The following CDKL1 variants were observed in gnomAD, a reference collection of about 807,000 sequenced individuals.
CDKL1 encodes cyclin dependent kinase like 1.
CDKL1 carries 41 observed loss-of-function variants against 42.0 expected under a neutral mutation model. The ratio of observed to expected loss-of-function variants is 0.98; its 90% CI spans 0.76 to 1.27. The LOEUF (loss-of-function observed/expected upper bound fraction) is 1.27, where lower values mean the gene tolerates loss of function less well. Among genes scored for constraint, CDKL1 ranks in the 50% most tolerant of loss-of-function variants. The pLI is 0.00. For synonymous variants in CDKL1, 153 were observed against 158.6 expected (o/e 0.96, Z 0.26); for missense variants, 394 against 428.4 (o/e 0.92, Z 0.71).
intron 2 of CDKL1, among the ~76,000 whole-genome samples, chr14:50,394,370 T>C (rs1056610243): frequency 1.3e-5 from 2 of 152,228 alleles, no homozygotes; most frequent in Non-Finnish European, 2.9e-5. Context: ...CTCCTCTCAA[T>C]AGATAATATC....
intron 2 of CDKL1, among the ~76,000 whole-genome samples, chr14:50,389,329 C>G (rs2035184357): frequency 6.6e-6 from 1 of 152,074 alleles, no homozygotes; most frequent in Admixed American, 6.6e-5. Context: ...CTCGCCCACA[C>G]CCCATGCACC....
chr14:50,359,159 CA>C lies in CDKL1; in HGVS notation c.169-11del. 1.9e-6 allele frequency: 3 copies of C among 1,588,664 alleles called. No individual in the cohort carries two copies. The highest frequency in any genetic ancestry group is 2.6e-6 in the Non-Finnish European group (3 of 1,166,000). On this transcript the variant is annotated splice_polypyrimidine_tract_variant and intron_variant, in intron 2 of 9. Coordinates refer to ENST00000395834, the MANE Select transcript of CDKL1 (RefSeq NM_004196.7). ...TGGGATGCTTGAGTTGCTGAAAACACAAAAAAACAAGTTACTAAATTTGACT... is the reference window on the plus strand; with the variant it reads ...TGGGATGCTTGAGTTGCTGAAAACACAAAAAACAAGTTACTAAATTTGACT...
At chr14:50,349,624 T>G (rs940068699) in intron 3 of CDKL1, among the ~76,000 whole-genome samples, 1 of 152,178 alleles carries the variant, frequency 6.6e-6, no homozygotes, top group Non-Finnish European at 1.5e-5. Context: ...TCATGCAATC[T>G]TAAATAAATA....
chr14:50,341,456 TGGGG>T (rs10598932), intron 5 of CDKL1, among the ~76,000 whole-genome samples: 33,241 of 72,528 alleles, frequency 0.46, 6,829 homozygotes, highest in Middle Eastern at 0.49. Context: ...GGGGAGGGTC[TGGGG>T]GGGGGGGGGG....
chr14:50,334,668 T>G, intron 7 of CDKL1, 47 bp from the exon 8 acceptor site: 1 of 1,101,808 alleles, frequency 9.1e-7, no homozygotes, highest in Non-Finnish European at 1.4e-6. Flanking sequence ...GTATTCAAAT[T>G]AAGGTTACCT....
At chr14:50,332,564 G>A in intron 8 of CDKL1, 132 bp from the exon 9 acceptor site, 3 of 1,486,714 alleles carry the variant, frequency 2.0e-6, no homozygotes, top group Non-Finnish European at 2.7e-6. Context: ...AAACACACCA[G>A]TCATGATTTT....
chr14:50,343,177 G>GTTTTTTCT (rs1566580369), intron 4 of CDKL1: 2 of 400,760 alleles, frequency 5.0e-6, no homozygotes, highest in Non-Finnish European at 8.0e-6. Context: ...TTTTTTTTGA[G>GTTTTTTCT]TTGGGTCAAA....
At chr14:50,340,324 A>G (rs2033466453) in intron 6 of CDKL1, among the ~76,000 whole-genome samples, 1 of 152,232 alleles carries the variant, frequency 6.6e-6, no homozygotes, top group African/African-American at 2.4e-5. Context: ...AGATAAGATT[A>G]CAAGGGAAGG....
chr14:50,388,106 G>A (rs548392979), intron 2 of CDKL1, among the ~76,000 whole-genome samples: 1 of 152,190 alleles, frequency 6.6e-6, no homozygotes, highest in East Asian at 1.9e-4. Context: ...GGCCAGGCTG[G>A]TCTCAAACTC....
chr14:50,341,622 A>T (rs1263309647), intron 5 of CDKL1, among the ~76,000 whole-genome samples: 1 of 152,116 alleles, frequency 6.6e-6, no homozygotes, highest in East Asian at 1.9e-4. Flanking sequence ...CTACAAAAAA[A>T]ATACAAAACT....
chr14:50,368,296 A>G (rs1027558220), intron 2 of CDKL1, among the ~76,000 whole-genome samples: 2 of 150,616 alleles, frequency 1.3e-5, no homozygotes, highest in African/African-American at 2.5e-5. Context: ...TTTCTCTGTT[A>G]CCCAGGCTGG....
Position 50,346,175 on chromosome 14 carries a change from C to T in CDKL1, c.291-1117G>A, listed in dbSNP as rs889790744. The stretch of plus-strand genomic sequence containing the variant: ...AGAGGCTACAAGGCCACTGTTGTCA[C>T]AGGCCAGACGTTCAGGAAATCCTTT... On this transcript the variant is annotated intron_variant, in intron 3 of 9. Coordinates refer to ENST00000395834, the MANE Select transcript of CDKL1 (RefSeq NM_004196.7). 1.4e-4 allele frequency among the ~76,000 whole-genome samples: 22 copies of T among 152,122 alleles called. No homozygotes were observed. The East Asian group carries it at 4.1e-3, about 28-fold the overall frequency.
At chr14:50,350,951 G>A (rs1417990254) in intron 3 of CDKL1, among the ~76,000 whole-genome samples, 1 of 152,170 alleles carries the variant, frequency 6.6e-6, no homozygotes, top group Non-Finnish European at 1.5e-5. Context: ...GGAAGATGTG[G>A]AGAATGGGCA....
chr14:50,383,395 C>G (rs1225071848), intron 2 of CDKL1, among the ~76,000 whole-genome samples: 1 of 151,722 alleles, frequency 6.6e-6, no homozygotes, highest in Non-Finnish European at 1.5e-5. Context: ...ACTAAAAATA[C>G]AAAAATTAGC....
rs2034159205 is a variant in CDKL1 at position 50,359,123 on chromosome 14, G to A, written c.195C>T (p.Asn65=). 2 of 1,611,958 alleles carry A rather than the reference G, an allele frequency of 1.2e-6. No individual in the cohort carries two copies. Among genetic ancestry groups the A allele is most frequent in the East Asian group, 4.5e-5 (2 of 44,840 alleles). ...GTTTCCTCCTGAAGACTTCCAGGAGGTTAACAAGGTTGGGATGCTTGAGTT... is the reference window on the plus strand; with the variant it reads ...GTTTCCTCCTGAAGACTTCCAGGAGATTAACAAGGTTGGGATGCTTGAGTT... ...LKQLKHPNLV[N]LLEVFRRKRR... The change falls in exon 3 of 10, where the codon AAC becomes AAT. Residue 65 remains asparagine, a synonymous_variant. Transcript: ENST00000395834.
In CDKL1 at chr14:50,341,240, G is replaced by A; in HGVS notation, c.455-8C>T. ...AGTAGTCACTCGGTCCAGCTAGCCA[G>A]TGATGGAACATGGAAAACAAACAGC... On this transcript the variant is annotated splice_region_variant and splice_polypyrimidine_tract_variant and intron_variant, in intron 5 of 9. Transcript: ENST00000395834. 1 of 1,583,586 alleles carries A rather than the reference G, an allele frequency of 6.3e-7. No individual in the cohort carries two copies. Among genetic ancestry groups the A allele is most frequent in the Non-Finnish European group, 8.6e-7 (1 of 1,159,972 alleles).
At chr14:50,343,026 C>T in intron 4 of CDKL1, 1 of 1,351,504 alleles carries the variant, frequency 7.4e-7, no homozygotes, top group Non-Finnish European at 9.9e-7. Context: ...CTGTGGTTTC[C>T]AGCCCACAGC....
At chr14:50,378,760 C>G (rs929292806) in intron 2 of CDKL1, among the ~76,000 whole-genome samples, 2 of 152,092 alleles carry the variant, frequency 1.3e-5, no homozygotes, top group African/African-American at 4.8e-5. Context: ...TGGTCTCAAA[C>G]TCCTGGCCTC....
intron 2 of CDKL1, among the ~76,000 whole-genome samples, chr14:50,365,819 T>C (rs1476563997): frequency 6.6e-6 from 1 of 152,234 alleles, no homozygotes; most frequent in Non-Finnish European, 1.5e-5. Flanking sequence ...GCTAGAATAA[T>C]GCAGGCACTT....
Sources: allele counts gnomAD v4.1 joint callset (sites outside exome capture counted in the v4.1 genomes callset), GRCh38; gene constraint gnomAD v4.1.1; transcripts MANE v1.5; gene names NCBI Gene and HGNC (gene_info 2026-07-23, HGNC 2026-07-21).